Variants in COXFA4L2 observed in about 807,000 individuals in gnomAD.
COXFA4L2 encodes NADH dehydrogenase (ubiquinone) 1 alpha subcomplex, 4-like 2.
At chr12:57,237,381 G>C in the COXFA4L2 span, 295 of 1,356,918 alleles carry the variant, frequency 2.2e-4, no homozygotes, top group Admixed American at 4.2e-4. Flanking sequence ...GGCATCTGAG[G>C]GAAGGACCTC....
the COXFA4L2 span, chr12:57,237,300 T>G: frequency 2.1e-5 from 30 of 1,429,598 alleles, no homozygotes; most frequent in East Asian, 7.6e-5. Context: ...GCCAAGTGGT[T>G]TCTGCTCTCC....
At chr12:57,237,234 T>G in the COXFA4L2 span, 1 of 1,496,308 alleles carries the variant, frequency 6.7e-7, no homozygotes, top group Non-Finnish European at 8.9e-7. Flanking sequence ...CCACCCCAAC[T>G]TAGCTCACTT....
the COXFA4L2 span, chr12:57,239,507 G>C: frequency 6.6e-6 from 1 of 152,352 alleles, no homozygotes. The surrounding 1 kb of genome is among the most constrained non-coding windows in gnomAD (Gnocchi z 5.5). Flanking sequence ...TCCTCTTCTG[G>C]GGTTGGGCAT....
At chr12:57,240,308 C>G in the COXFA4L2 span, 1 of 152,180 alleles carries the variant, frequency 6.6e-6, no homozygotes, top group Non-Finnish European at 1.5e-5. Flanking sequence ...CCTGGCCGGG[C>G]TTGGGGCAAG....
the COXFA4L2 span, chr12:57,240,289 G>A: frequency 6.6e-6 from 1 of 152,122 alleles, no homozygotes; most frequent in East Asian, 1.9e-4. Context: ...GGACCCCGGC[G>A]TCCCGGCTCC....
the COXFA4L2 span, chr12:57,240,284 C>T: frequency 6.6e-6 from 1 of 152,156 alleles, no homozygotes; most frequent in African/African-American, 2.4e-5. Flanking sequence ...GCCGGGGACC[C>T]CGGCGTCCCG....
At chr12:57,237,181 G>C in the COXFA4L2 span, 6 of 1,608,680 alleles carry the variant, frequency 3.7e-6, no homozygotes, top group Admixed American at 1.0e-4. Flanking sequence ...GCCCAGCCCA[G>C]AGCAGCTTAG....
the COXFA4L2 span, chr12:57,237,065 C>T: frequency 3.7e-6 from 6 of 1,614,176 alleles, no homozygotes; most frequent in Non-Finnish European, 5.1e-6. Context: ...AGAAGCGGGC[C>T]CCAAGACTGG....
the COXFA4L2 span, chr12:57,240,746 G>A: frequency 1.0e-6 from 1 of 985,264 alleles, no homozygotes; most frequent in Non-Finnish European, 1.2e-6. Flanking sequence ...CACATACACA[G>A]ACCTGCAGGC....
chr12:57,238,427 G>A, the COXFA4L2 span, among the ~76,000 whole-genome samples: 2 of 152,114 alleles, frequency 1.3e-5, no homozygotes, highest in African/African-American at 4.8e-5. The surrounding 1 kb of genome is among the most constrained non-coding windows in gnomAD (Gnocchi z 6.8). Flanking sequence ...GGGGGAGCGG[G>A]GCTGACGGGC....
the COXFA4L2 span, chr12:57,237,035 A>T: frequency 6.2e-7 from 1 of 1,613,974 alleles, no homozygotes; most frequent in Non-Finnish European, 8.5e-7. Context: ...TCACCCCCGG[A>T]TGTCTTTTGA....
chr12:57,236,478 G>A, the COXFA4L2 span: 12 of 861,790 alleles, frequency 1.4e-5, no homozygotes, highest in Non-Finnish European at 1.9e-5. Flanking sequence ...TGAGATGCCG[G>A]TCGGTACAGT....
At chr12:57,234,973 C>T in the COXFA4L2 span, 1 of 156,994 alleles carries the variant, frequency 6.4e-6, no homozygotes, top group African/African-American at 2.4e-5. Context: ...CAGAGGGGAG[C>T]AAGGGAGGGG....
chr12:57,235,923 G>T, the COXFA4L2 span: 1 of 858,548 alleles, frequency 1.2e-6, no homozygotes, highest in Non-Finnish European at 1.7e-6. Flanking sequence ...CAGTACCCCT[G>T]CCTCCTGCCC....
chr12:57,235,636 A>G, the COXFA4L2 span: 12 of 1,613,996 alleles, frequency 7.4e-6, no homozygotes, highest in Non-Finnish European at 9.3e-6. Context: ...GGAGAGGGAA[A>G]GGGGGTTGCG....
At chr12:57,236,598 G>A in the COXFA4L2 span, 3 of 1,580,414 alleles carry the variant, frequency 1.9e-6, no homozygotes, top group East Asian at 2.3e-5. Context: ...TTTACCAGAC[G>A]TCGGGGCTGC....
chr12:57,238,889 A>G, the COXFA4L2 span, among the ~76,000 whole-genome samples: 1 of 151,624 alleles, frequency 6.6e-6, no homozygotes, highest in Non-Finnish European at 1.5e-5. This position sits in a 1 kb window ranked among gnomAD's most constrained non-coding sequence, Gnocchi z 6.8. Flanking sequence ...GTCTCTGTGA[A>G]TTTATTTCTA....
the COXFA4L2 span, chr12:57,238,010 C>T: frequency 1.3e-5 from 2 of 152,970 alleles, no homozygotes; most frequent in East Asian, 3.8e-4. The surrounding 1 kb of genome is among the most constrained non-coding windows in gnomAD (Gnocchi z 6.8). Flanking sequence ...TGGGGAGGCT[C>T]ACAGCCCCCG....
the COXFA4L2 span, among the ~76,000 whole-genome samples, chr12:57,238,745 G>C: frequency 6.6e-6 from 1 of 151,906 alleles, no homozygotes; most frequent in East Asian, 1.9e-4. The surrounding 1 kb of genome is among the most constrained non-coding windows in gnomAD (Gnocchi z 6.8). Flanking sequence ...ATTCTCCGTC[G>C]CGCTCCTTTT....
Sources: allele counts gnomAD v4.1 joint callset (sites outside exome capture counted in the v4.1 genomes callset), GRCh38; gene constraint gnomAD v4.1.1; non-coding constraint Gnocchi (gnomAD v3.1); transcripts MANE v1.5; gene names NCBI Gene and HGNC (gene_info 2026-07-23, HGNC 2026-07-21).